The following ATP13A5 variants were observed in gnomAD, a reference collection of about 807,000 sequenced individuals.
The protein encoded by ATP13A5 is probable cation-transporting ATPase 13A5.
ATP13A5 carries 149 observed loss-of-function variants against 150.2 expected under a neutral mutation model. The ratio of observed to expected loss-of-function variants is 0.99; its 90% CI spans 0.87 to 1.14. The LOEUF (loss-of-function observed/expected upper bound fraction) is 1.14. ATP13A5 is among the 50% of genes most tolerant of loss of function. The pLI, the probability that ATP13A5 is intolerant of heterozygous loss-of-function variation, is 0.00. For synonymous variants in ATP13A5, 497 were observed against 522.2 expected, an observed-to-expected ratio of 0.95 and a Z score of 0.66; for missense variants, 1,383 against 1,449.3, an observed-to-expected ratio of 0.95 and a Z score of 0.74.
At position 193,363,353 on chromosome 3, in the gene ATP13A5, C is replaced by G; in HGVS notation, c.267G>C (p.Lys89Asn). 2 of 1,612,530 alleles carry G rather than the reference C, an allele frequency of 1.2e-6. No individual in the cohort carries two copies. The highest frequency in any genetic ancestry group is 2.2e-5 in the South Asian group (2 of 90,588). Reference sequence around the variant, plus strand: ...GTGTGGATAAGTAGAGGCAGAATACCTTCTTCCTCATATATCTTTGAAATT... The same window carrying G: ...GTGTGGATAAGTAGAGGCAGAATACGTTCTTCCTCATATATCTTTGAAATT... ...TDEFQRYMRK[K>N]VFCLYLSTLK... is the part of the protein sequence containing the mutation. The change falls in exon 3 of 30, where the codon AAG becomes AAC. Residue 89 changes from lysine to asparagine, a missense_variant. By Grantham distance (94) the Lys-to-Asn change is moderately conservative. This residue lies in a region of ATP13A5 where 787 missense variants were observed against 771.9 expected (regional missense o/e 1.02). Transcript: ENST00000342358.
intron 9 of ATP13A5, among the ~76,000 whole-genome samples, chr3:193,340,488 G>T (rs1000304535): frequency 6.6e-6 from 1 of 152,182 alleles, no homozygotes; most frequent in East Asian, 1.9e-4. Flanking sequence ...TGATAAGCTC[G>T]TCTGACAGGA....
At chr3:193,360,490 TTTAAAGGCCTTGGTC>T (rs1712962173) in intron 5 of ATP13A5, among the ~76,000 whole-genome samples, 1 of 152,200 alleles carries the variant, frequency 6.6e-6, no homozygotes, top group Admixed American at 6.5e-5. Flanking sequence ...CACTTAGTTT[TTTAAAGGCCTTGGTC>T]TTACCCTAAA....
intron 9 of ATP13A5, among the ~76,000 whole-genome samples, chr3:193,341,892 A>G (rs1299830248): frequency 6.6e-6 from 1 of 152,248 alleles, no homozygotes; most frequent in Non-Finnish European, 1.5e-5. Context: ...GATACTATTG[A>G]TGGGAATACC....
intron 26 of ATP13A5, among the ~76,000 whole-genome samples, chr3:193,287,923 T>C (rs1223615137): frequency 6.6e-6 from 1 of 152,132 alleles, no homozygotes; most frequent in Non-Finnish European, 1.5e-5. Context: ...TCAACATTAA[T>C]GGAAGTTTGG....
At chr3:193,294,579 A>T (rs1718088287) in intron 25 of ATP13A5, among the ~76,000 whole-genome samples, 1 of 152,080 alleles carries the variant, frequency 6.6e-6, no homozygotes, top group Non-Finnish European at 1.5e-5. Context: ...GTGTGTATAG[A>T]TAAATAAGTA....
intron 7 of ATP13A5, among the ~76,000 whole-genome samples, chr3:193,350,653 C>T (rs959689470): frequency 6.6e-6 from 1 of 152,032 alleles, no homozygotes; most frequent in African/African-American, 2.4e-5. Context: ...AAATAGGAAA[C>T]CTATAGAACA....
At chr3:193,353,490 C>T (rs539073720) in intron 6 of ATP13A5, among the ~76,000 whole-genome samples, 85 of 152,108 alleles carry the variant, frequency 5.6e-4, no homozygotes, top group Admixed American at 7.8e-4. Flanking sequence ...ATAACATTGC[C>T]CCATGCTGTG....
chr3:193,309,510 G>T (rs1267730714), intron 21 of ATP13A5, among the ~76,000 whole-genome samples: 1 of 152,020 alleles, frequency 6.6e-6, no homozygotes, highest in Non-Finnish European at 1.5e-5. Flanking sequence ...TGGCATCCAC[G>T]CCCTGTGTAA....
chr3:193,315,274 C>A (rs1462339499), intron 17 of ATP13A5, among the ~76,000 whole-genome samples, 178 bp from the exon 18 acceptor site: 4 of 102,964 alleles, frequency 3.9e-5, no homozygotes, highest in Non-Finnish European at 1.0e-4. Context: ...CACCACCTCA[C>A]CCCTCTCCTT....
At chr3:193,297,208 A>C (rs1390860330) in intron 25 of ATP13A5, among the ~76,000 whole-genome samples, 1 of 152,068 alleles carries the variant, frequency 6.6e-6, no homozygotes, top group African/African-American at 2.4e-5. Context: ...GGTGGAGAGT[A>C]GGTGACTCAA....
Position 193,375,221 on chromosome 3 carries a change from T to A in ATP13A5, c.63+3442A>T, listed in dbSNP as rs537894131. Among the ~76,000 whole-genome samples, 4 of 152,280 alleles carry A rather than the reference T, an allele frequency of 2.6e-5. No homozygotes were observed. In the South Asian group the frequency reaches 8.3e-4, roughly 32 times the overall value. On this transcript the variant is annotated intron_variant, in intron 1 of 29. Coordinates refer to ENST00000342358, the MANE Select transcript of ATP13A5 (RefSeq NM_198505.4). ...ATAATACCTACTGCAGAAGATATGT[T>A]TAGAAAAGCTGTATTACCTCATTTA...
chr3:193,337,950 C>T (rs1711956258), intron 9 of ATP13A5, among the ~76,000 whole-genome samples: 1 of 152,118 alleles, frequency 6.6e-6, no homozygotes, highest in Admixed American at 6.5e-5. Flanking sequence ...TCCTTCACAT[C>T]CCTTGTAAGT....
chr3:193,307,181 C>T (rs1334075666), intron 22 of ATP13A5, 146 bp downstream of exon 22: 1 of 1,502,802 alleles, frequency 6.7e-7, no homozygotes, highest in African/African-American at 1.4e-5. Context: ...GCTTCCAACC[C>T]ACACTCAGGT....
At chr3:193,286,575 G>A (rs548898924) in intron 26 of ATP13A5, among the ~76,000 whole-genome samples, 83 of 152,176 alleles carry the variant, frequency 5.5e-4, no homozygotes, top group African/African-American at 1.8e-3. Flanking sequence ...GAGATGCCAC[G>A]AACTGTGCTT....
At chr3:193,336,245 T>G (rs183833278) in intron 9 of ATP13A5, among the ~76,000 whole-genome samples, 34 of 152,306 alleles carry the variant, frequency 2.2e-4, no homozygotes, top group Non-Finnish European at 4.1e-4. Flanking sequence ...TTTTTCTTTT[T>G]ATTTTATTCT....
At position 193,331,212 on chromosome 3, in the gene ATP13A5, G is replaced by A. The variant is rs777279906; in HGVS notation, c.1372C>T (p.Gln458Ter). ...AALTIGNVYA[Q>*]KRLKKKKIFC... is the part of the protein sequence containing the mutation. ...ATTTTCTTTTTCTTCAGTCTCTTCT[G>A]AGCATACACGTTGCCTATGGTCAGG... Residue 458 changes from glutamine (Q) to a stop codon, truncating the protein, a stop_gained, in exon 12 of 30, where the codon CAG (glutamine) becomes TAG (stop). Coordinates refer to ENST00000342358, the MANE Select transcript of ATP13A5 (RefSeq NM_198505.4). LOFTEE classifies it high-confidence loss of function. 1 of 1,614,050 alleles carries A rather than the reference G, an allele frequency of 6.2e-7. No homozygotes were observed. Among genetic ancestry groups the A allele is most frequent in the Non-Finnish European group, 8.5e-7 (1 of 1,179,946 alleles).
At chr3:193,333,455 T>C (rs1711720514) in intron 11 of ATP13A5, among the ~76,000 whole-genome samples, 1 of 152,130 alleles carries the variant, frequency 6.6e-6, no homozygotes, top group Non-Finnish European at 1.5e-5. Context: ...ACCCTGTAGC[T>C]TAAAGGGAAG....
At chr3:193,322,696 C>G in intron 14 of ATP13A5, 122 bp from the exon 15 acceptor site, 1 of 700,296 alleles carries the variant, frequency 1.4e-6, no homozygotes. Flanking sequence ...CTCTTCCAGG[C>G]CAATTATCTT....
intron 10 of ATP13A5, 46 bp downstream of exon 10, chr3:193,334,883 C>G: frequency 5.7e-6 from 9 of 1,568,338 alleles, no homozygotes; most frequent in Non-Finnish European, 7.8e-6. Context: ...CCAACTCTCC[C>G]CATGTTCAAG....
Sources: gnomAD v4.1 joint callset for allele counts (sites outside exome capture counted in the v4.1 genomes callset) on GRCh38, gnomAD v4.1.1 for gene constraint, gnomAD v4.1.1 regional missense constraint, MANE v1.5 for transcripts, NCBI Gene and HGNC (gene_info 2026-07-23, HGNC 2026-07-21) for gene names.